The following MYO1A variants were observed in gnomAD, a reference collection of about 807,000 sequenced individuals.
MYO1A encodes the protein unconventional myosin-Ia.
In MYO1A, 127 loss-of-function variants were observed where a neutral mutation model predicts 138.5. The observed-to-expected ratio is 0.92, with a 90% CI of 0.79 to 1.06. MYO1A has a LOEUF of 1.06. Ranked by LOEUF, MYO1A falls within the 50% of genes least tolerant of loss-of-function variation. The pLI, the probability that MYO1A is intolerant of heterozygous loss-of-function variation, is 0.00. For synonymous variants in MYO1A, 477 were observed against 497.5 expected (o/e 0.96, Z 0.55); for missense variants, 1,211 against 1,288.8 (o/e 0.94, Z 0.92).
chr12:57,030,303 C>A lies in MYO1A; in HGVS notation c.2498G>T (p.Arg833Leu), dbSNP rs200633451. Residue 833 changes from arginine to leucine, a missense_variant, in exon 24 of 28, where the codon CGG becomes CTG. Transcript: ENST00000300119. ...TACCTGCTTCGGGGACAGCTGATCC[C>A]GGAACCTCTTGCACTGTGAGGAAGG... ...LFYQWKCKRF[R>L]DQLSPKQVEI... 1.2e-6 allele frequency: 2 copies of A among 1,605,188 alleles called. No individual in the cohort carries two copies. Among genetic ancestry groups the A allele is most frequent in the African/African-American group, 2.7e-5 (2 of 74,624 alleles).
At chr12:57,031,569 C>G (rs1384037750) in intron 22 of MYO1A, among the ~76,000 whole-genome samples, 1 of 152,172 alleles carries the variant, frequency 6.6e-6, no homozygotes, top group East Asian at 1.9e-4. Flanking sequence ...TACCAAATTT[C>G]CCCTCCTCTC....
chr12:57,030,087 G>T, intron 24 of MYO1A, 123 bp downstream of exon 24: 1 of 1,219,884 alleles, frequency 8.2e-7, no homozygotes, highest in Non-Finnish European at 1.2e-6. Flanking sequence ...TGCTGGATCA[G>T]AGACTCTGAG....
At chr12:57,042,931 CA>C in intron 12 of MYO1A, 140 bp downstream of exon 12, 1 of 783,224 alleles carries the variant, frequency 1.3e-6, no homozygotes, top group East Asian at 2.6e-5. Context: ...GTTTCCATGA[CA>C]ACACACTGTT....
At chr12:57,038,311 C>A (rs1275312125) in intron 17 of MYO1A, 101 bp downstream of exon 17, 2 of 1,354,370 alleles carry the variant, frequency 1.5e-6, no homozygotes, top group African/African-American at 2.9e-5. Flanking sequence ...CTCTGACATC[C>A]TTATTCCAGA....
intron 8 of MYO1A, 70 bp from the exon 9 acceptor site, chr12:57,044,279 C>T (rs2030998544): frequency 2.4e-6 from 3 of 1,227,200 alleles, no homozygotes; most frequent in Non-Finnish European, 3.6e-6. Flanking sequence ...CTTGACACCT[C>T]ACAGCCCTTG....
Position 57,029,867 on chromosome 12 carries a change from G to C in MYO1A, c.2597C>G (p.Pro866Arg), listed in dbSNP as rs751363617. ...AATGTAGTCACCACAGAATGGAATG[G>C]GGACACTGAGAACACATGGGAGGTG... is the stretch of plus-strand genomic sequence containing the variant. ...GKKASYPQSV[P>R]IPFCGDYIGL... Residue 866 changes from proline (P) to arginine (R), a missense_variant, in exon 25 of 28, where the codon CCC (proline) becomes CGC (arginine). By Grantham distance (103) the Pro-to-Arg change is moderately radical. Coordinates refer to ENST00000300119, the MANE Select transcript of MYO1A (RefSeq NM_005379.4). 1 of 1,614,168 alleles carries C rather than the reference G, an allele frequency of 6.2e-7. No individual in the cohort carries two copies. The highest frequency in any genetic ancestry group is 8.5e-7 in the Non-Finnish European group (1 of 1,180,040).
At chr12:57,031,903 T>C (rs2030308991) in intron 22 of MYO1A, among the ~76,000 whole-genome samples, 1 of 152,216 alleles carries the variant, frequency 6.6e-6, no homozygotes, top group Non-Finnish European at 1.5e-5. Flanking sequence ...TTTCCCAGGG[T>C]TTCACTGGAA....
rs544143624 is a variant in MYO1A at position 57,046,928 on chromosome 12, T to C, written c.478-2A>G. 1.9e-6 allele frequency: 3 copies of C among 1,614,058 alleles called. No homozygotes were observed. In the Admixed American group the frequency reaches 5.0e-5, roughly 27 times the overall value. On this transcript the variant is annotated splice_acceptor_variant, in intron 6 of 27. Coordinates refer to ENST00000300119, the MANE Select transcript of MYO1A (RefSeq NM_005379.4). LOFTEE classifies it high-confidence loss of function. ...AAATTCAATATCCATGTATTTTCCC[T>C]TCAGAGAGAGACCAGAGAGAGAGAC...
At chr12:57,033,539 T>C (rs1298217317) in intron 22 of MYO1A, among the ~76,000 whole-genome samples, 1 of 151,986 alleles carries the variant, frequency 6.6e-6, no homozygotes, top group Non-Finnish European at 1.5e-5. Flanking sequence ...AAATTTTTTT[T>C]GTAGAGTCTA....
chr12:57,047,021 C>T (rs2031129997), intron 6 of MYO1A, 40 bp downstream of exon 6: 1 of 1,613,440 alleles, frequency 6.2e-7, no homozygotes, highest in African/African-American at 1.3e-5. Context: ...CTCTTAAGCC[C>T]CCACATCCTC....
intron 14 of MYO1A, among the ~76,000 whole-genome samples, chr12:57,040,823 G>C (rs2030824857): frequency 6.6e-6 from 1 of 152,218 alleles, no homozygotes; most frequent in East Asian, 1.9e-4. Context: ...GCCCGGGGGA[G>C]ACCAAGGACT....
chr12:57,043,474 A>G, intron 10 of MYO1A, 116 bp from the exon 11 acceptor site: 3 of 1,009,590 alleles, frequency 3.0e-6, no homozygotes, highest in Non-Finnish European at 4.7e-6. Context: ...CTCACTGGAG[A>G]AGTCATTGCA....
chr12:57,049,091 AC>A (rs1309925038), intron 1 of MYO1A, among the ~76,000 whole-genome samples: 1 of 152,202 alleles, frequency 6.6e-6, no homozygotes, highest in African/African-American at 2.4e-5. Context: ...TAGCTTTTAC[AC>A]CCACTCCTGT....
At chr12:57,035,379 C>T (rs2030487756) in intron 22 of MYO1A, among the ~76,000 whole-genome samples, 2 of 152,108 alleles carry the variant, frequency 1.3e-5, no homozygotes, top group African/African-American at 4.8e-5. Flanking sequence ...AATGAAGGCT[C>T]AGGAAGGCAA....
intron 22 of MYO1A, among the ~76,000 whole-genome samples, chr12:57,032,692 A>G (rs1383474097): frequency 3.9e-5 from 6 of 152,142 alleles, no homozygotes; most frequent in Admixed American, 1.3e-4. Flanking sequence ...AAAAGAAGAA[A>G]AAAAAAGGGT....
At chr12:57,040,923 T>C (rs1323988569) in intron 14 of MYO1A, among the ~76,000 whole-genome samples, 2 of 152,194 alleles carry the variant, frequency 1.3e-5, no homozygotes, top group South Asian at 2.1e-4. Context: ...CAGTCTGCCA[T>C]AGGCCAAGCA....
intron 15 of MYO1A, 98 bp from the exon 16 acceptor site, chr12:57,039,107 C>G (rs1207297603): frequency 2.0e-5 from 32 of 1,563,174 alleles, no homozygotes; most frequent in Non-Finnish European, 2.8e-5. Flanking sequence ...ATCTTCTGCC[C>G]TCTTTACTGT....
At chr12:57,033,945 C>T (rs1028094279) in intron 22 of MYO1A, among the ~76,000 whole-genome samples, 2 of 152,234 alleles carry the variant, frequency 1.3e-5, no homozygotes, top group Non-Finnish European at 2.9e-5. Context: ...AGACTGGAGT[C>T]CCCAGTCCCT....
chr12:57,045,969 G>A (rs1434147588), intron 8 of MYO1A, among the ~76,000 whole-genome samples: 1 of 152,212 alleles, frequency 6.6e-6, no homozygotes. Flanking sequence ...ACAGGGTCAT[G>A]TCTTACTCAA....
Sources: allele counts gnomAD v4.1 joint callset (sites outside exome capture counted in the v4.1 genomes callset), GRCh38; gene constraint gnomAD v4.1.1; transcripts MANE v1.5; gene names NCBI Gene and HGNC (gene_info 2026-07-23, HGNC 2026-07-21).